The following SYNPR variants were observed in gnomAD, a reference collection of about 807,000 sequenced individuals.
SYNPR encodes the protein synaptoporin.
A neutral mutation model predicts 32.9 loss-of-function variants in SYNPR; 23 were observed. That is an observed-to-expected ratio of 0.70 (90% CI 0.50 to 0.99). The LOEUF is 0.99. Among genes scored for constraint, SYNPR ranks in the 50% least tolerant of loss-of-function variants. The pLI, the probability that SYNPR is intolerant of heterozygous loss-of-function variation, is 0.00. For missense variants in SYNPR, 318 were observed against 349.3 expected (o/e 0.91, Z 0.71); for synonymous variants, 146 against 135.9 (o/e 1.07, Z -0.52).
intron 2 of SYNPR, among the ~76,000 whole-genome samples, chr3:63,304,419 T>C (rs2086888169): frequency 6.6e-6 from 1 of 151,872 alleles, no homozygotes; most frequent in Non-Finnish European, 1.5e-5. Flanking sequence ...TTTATGTATT[T>C]TTCCTCTTTT....
the SYNPR span, among the ~76,000 whole-genome samples, chr3:63,201,448 CA>C: frequency 6.6e-6 from 1 of 152,098 alleles, no homozygotes; most frequent in African/African-American, 2.4e-5. Context: ...GGACAGACAG[CA>C]ATGACAAGGC....
At position 63,251,995 on chromosome 3, in the gene SYNPR, C is replaced by G. The variant is rs548856038; in HGVS notation, n.67-504C>G. Among the ~76,000 whole-genome samples, 27 of 151,886 alleles carry G rather than the reference C, an allele frequency of 1.8e-4. No homozygotes were observed. The East Asian group carries it at 4.1e-3, about 23-fold the overall frequency. Reference sequence around the variant, plus strand: ...TTGAGTTAGTGAAATGAGATAGTCTCTATCAATTTAATAGATACATAATAC... The same window carrying G: ...TTGAGTTAGTGAAATGAGATAGTCTGTATCAATTTAATAGATACATAATAC... On this transcript the variant is annotated intron_variant and non_coding_transcript_variant, in intron 1 of 4. Coordinates refer to the SYNPR transcript ENST00000478456.
At chr3:63,409,234 A>C (rs143234366) in intron 2 of SYNPR, among the ~76,000 whole-genome samples, 1 of 152,048 alleles carries the variant, frequency 6.6e-6, no homozygotes, top group African/African-American at 2.4e-5. Context: ...TTTGTTTCTC[A>C]TGTGGGCTTT....
chr3:63,261,372 G>C (rs11718212), intron 2 of SYNPR, among the ~76,000 whole-genome samples: 1 of 151,476 alleles, frequency 6.6e-6, no homozygotes, highest in Non-Finnish European at 1.5e-5. Flanking sequence ...TACACCATGG[G>C]ATACTATGCA....
intron 1 of SYNPR, among the ~76,000 whole-genome samples, chr3:63,251,423 A>C (rs1048552209): frequency 5.9e-5 from 9 of 152,158 alleles, no homozygotes; most frequent in African/African-American, 2.2e-4. Flanking sequence ...TCAGGGGTTC[A>C]AGAGTGGGAG....
intron 2 of SYNPR, among the ~76,000 whole-genome samples, chr3:63,324,447 C>T (rs1196937562): frequency 1.3e-5 from 2 of 152,008 alleles, no homozygotes; most frequent in African/African-American, 4.8e-5. Context: ...GGTGACATGG[C>T]TTGATTTGGG....
intron 4 of SYNPR, among the ~76,000 whole-genome samples, chr3:63,608,140 A>T (rs1286318770): frequency 1.3e-5 from 2 of 152,110 alleles, no homozygotes; most frequent in Non-Finnish European, 2.9e-5. Flanking sequence ...AATAGTCTAA[A>T]TCTTAGACAG....
intron 3 of SYNPR, among the ~76,000 whole-genome samples, chr3:63,533,904 G>C (rs1702155351): frequency 6.6e-6 from 1 of 152,144 alleles, no homozygotes; most frequent in Non-Finnish European, 1.5e-5. Flanking sequence ...CAAAAGAAGA[G>C]AGATTGAGTG....
intron 2 of SYNPR, chr3:63,443,032 T>A (rs1700209198): frequency 1.0e-6 from 1 of 1,002,570 alleles, no homozygotes; most frequent in African/African-American, 1.7e-5. Context: ...GCTGGCAGAG[T>A]AAAGGGGAGA....
chr3:63,612,351 A>G (rs1337226946), intron 5 of SYNPR, among the ~76,000 whole-genome samples: 1 of 152,238 alleles, frequency 6.6e-6, no homozygotes, highest in South Asian at 2.1e-4. Flanking sequence ...TACAGAAGGA[A>G]GAAATAATGT....
intron 4 of SYNPR, among the ~76,000 whole-genome samples, chr3:63,603,023 G>A (rs1575733006): frequency 6.6e-6 from 1 of 152,064 alleles, no homozygotes; most frequent in African/African-American, 2.4e-5. Flanking sequence ...ATTTATTTCA[G>A]CAGTGTTTTG....
At chr3:63,375,022 A>T (rs796913201) in intron 2 of SYNPR, among the ~76,000 whole-genome samples, 5 of 152,314 alleles carry the variant, frequency 3.3e-5, no homozygotes, top group African/African-American at 1.2e-4. Context: ...CCACAATGAG[A>T]TACCATCTCA....
chr3:63,378,854 T>G (rs893151250), intron 2 of SYNPR, among the ~76,000 whole-genome samples: 2 of 152,046 alleles, frequency 1.3e-5, no homozygotes, highest in Admixed American at 6.6e-5. Context: ...CCCTTTATTT[T>G]AAGAGTTGCA....
At position 63,425,549 on chromosome 3, in the gene SYNPR, C is replaced by T. The variant is rs116003300; in HGVS notation, c.85-55283C>T. Among the ~76,000 whole-genome samples the T allele has an allele frequency of 9.8e-3, 1,495 of 152,200 alleles. 22 individuals carry two copies. The highest frequency in any genetic ancestry group is 0.033 in the African/African-American group (1,362 of 41,544). On this transcript the variant is annotated intron_variant, in intron 2 of 5. Coordinates refer to ENST00000478300, the MANE Select transcript of SYNPR (RefSeq NM_001130003.2). Reference sequence around the variant, plus strand: ...TATTAAGATACCATTTTTGAGCTCTCATTATAAGCACACTTCCAAGCTCTT... The same window carrying T: ...TATTAAGATACCATTTTTGAGCTCTTATTATAAGCACACTTCCAAGCTCTT...
chr3:63,284,031 A>G lies in SYNPR; in HGVS notation c.84+5289A>G, dbSNP rs2106922064. On this transcript the variant is annotated intron_variant, in intron 2 of 5. Transcript: ENST00000478300. ...CACCGTGTTAGCCAGGATGGTCTCG[A>G]TCTCCTGACCTCGTGATCTGCCGGC... Among the ~76,000 whole-genome samples the G allele has an allele frequency of 2.0e-5, 3 of 152,056 alleles. No homozygotes were observed. In the South Asian group the frequency reaches 6.2e-4, roughly 32 times the overall value.
chr3:63,549,535 G>T (rs1364506623), intron 3 of SYNPR, among the ~76,000 whole-genome samples: 1 of 152,130 alleles, frequency 6.6e-6, no homozygotes, highest in African/African-American at 2.4e-5. Context: ...AATGGTAACA[G>T]CAATCGTACC....
chr3:63,234,026 G>A (rs2086183387), intron 1 of SYNPR, among the ~76,000 whole-genome samples: 2 of 152,196 alleles, frequency 1.3e-5, no homozygotes, highest in Non-Finnish European at 1.5e-5. Flanking sequence ...GGTGAAATGG[G>A]TGTATTAGTC....
At chr3:63,576,301 A>G (rs889228914) in intron 4 of SYNPR, among the ~76,000 whole-genome samples, 6 of 152,196 alleles carry the variant, frequency 3.9e-5, no homozygotes, top group African/African-American at 1.4e-4. Flanking sequence ...TGAGTACGTG[A>G]AACAAATACC....
In SYNPR at chr3:63,595,717, TTATATATATATATATA is replaced by T. The variant is rs1169780634; in HGVS notation, c.409-13371_409-13356del. Among the ~76,000 whole-genome samples, 100 of 17,878 alleles carry T rather than the reference TTATATATATATATATA, an allele frequency of 5.6e-3. 1 individual carries two copies. The highest frequency in any genetic ancestry group is 0.011 in the South Asian group (4 of 350). The allele number at this position is 17,878 out of a possible 152,430, so 11.7% of individuals were successfully genotyped here. On this transcript the variant is annotated intron_variant, in intron 4 of 5. Coordinates refer to ENST00000478300, the MANE Select transcript of SYNPR (RefSeq NM_001130003.2). ...GGTGGTGGGACTTCTGAATCTTATT[TTATATATATATATATA>T]TATATATATATATATATATATATAT...
Sources: gnomAD v4.1 joint callset for allele counts (sites outside exome capture counted in the v4.1 genomes callset) on GRCh38, gnomAD v4.1.1 for gene constraint, MANE v1.5 for transcripts, NCBI Gene and HGNC (gene_info 2026-07-23, HGNC 2026-07-21) for gene names.